The following CPLX2 variants were observed in gnomAD, a reference collection of about 807,000 sequenced individuals.
CPLX2 encodes complexin-2.
CPLX2 carries 5 observed loss-of-function variants against 16.3 expected under a neutral mutation model. The ratio of observed to expected loss-of-function variants is 0.31; its 90% CI spans 0.16 to 0.64. The LOEUF (loss-of-function observed/expected upper bound fraction) is 0.64. Ranked by LOEUF, CPLX2 falls within the 30% of genes least tolerant of loss-of-function variation. The pLI, the probability that CPLX2 is intolerant of heterozygous loss-of-function variation, is 0.79. For missense variants in CPLX2, 144 were observed against 181.4 expected, an observed-to-expected ratio of 0.79 and a Z score of 1.18; for synonymous variants, 89 against 73.2, an observed-to-expected ratio of 1.22 and a Z score of -1.10.
chr5:175,878,810 C>A, intron 2 of CPLX2, 40 bp downstream of exon 2: 1 of 1,611,576 alleles, frequency 6.2e-7, no homozygotes, highest in Non-Finnish European at 8.5e-7. Flanking sequence ...CAGCCGGTCC[C>A]ACCCTTGTGG....
At chr5:175,875,663 G>A (rs1210427871) in intron 1 of CPLX2, among the ~76,000 whole-genome samples, 1 of 152,128 alleles carries the variant, frequency 6.6e-6, no homozygotes, top group East Asian at 1.9e-4. Context: ...CGCCCGTGAA[G>A]TGGAGGGAAA....
chr5:175,820,989 G>T (rs1158057775), intron 2 of CPLX2, among the ~76,000 whole-genome samples: 1 of 152,116 alleles, frequency 6.6e-6, no homozygotes. Context: ...GTCCTTCTCT[G>T]GTTTGGGCTC....
At position 175,849,687 on chromosome 5, in the gene CPLX2, G is replaced by A. The variant is rs116848408; in HGVS notation, c.-88-28965G>A. Reference sequence around the variant, plus strand: ...CGTTGGGGTCATCATGGGAGAAGCCGGGCTTTGGAGCTGGACTCACCTGAG... The same window carrying A: ...CGTTGGGGTCATCATGGGAGAAGCCAGGCTTTGGAGCTGGACTCACCTGAG... On this transcript the variant is annotated intron_variant, in intron 2 of 4. Transcript: ENST00000359546. The surrounding 1 kb of genome is among the most constrained non-coding windows in gnomAD (Gnocchi z 4.4). 3.3e-5 allele frequency among the ~76,000 whole-genome samples: 5 copies of A among 152,150 alleles called. No individual in the cohort carries two copies. In the South Asian group the frequency reaches 6.3e-4, roughly 19 times the overall value.
chr5:175,804,978 G>A (rs895049008), intron 1 of CPLX2, among the ~76,000 whole-genome samples: 3 of 152,152 alleles, frequency 2.0e-5, no homozygotes, highest in Non-Finnish European at 4.4e-5. Flanking sequence ...CCTCCATTTT[G>A]TTCACATGTA....
At chr5:175,839,505 G>A (rs186007852) in intron 2 of CPLX2, among the ~76,000 whole-genome samples, 183 of 152,202 alleles carry the variant, frequency 1.2e-3, no homozygotes, top group African/African-American at 4.1e-3. Flanking sequence ...GGCTGGTCTC[G>A]AACTCCTGAC....
At chr5:175,859,034 T>A (rs553594171) in intron 2 of CPLX2, among the ~76,000 whole-genome samples, 1 of 152,308 alleles carries the variant, frequency 6.6e-6, no homozygotes, top group Non-Finnish European at 1.5e-5. Flanking sequence ...GGAGCCTCCA[T>A]GAGCCTCACC....
At chr5:175,864,543 A>G (rs1173960766) in intron 2 of CPLX2, among the ~76,000 whole-genome samples, 3 of 152,174 alleles carry the variant, frequency 2.0e-5, no homozygotes, top group Non-Finnish European at 4.4e-5. Context: ...CAAATCACAG[A>G]GTCTCGGATC....
chr5:175,848,072 C>G (rs2113675696), intron 2 of CPLX2, among the ~76,000 whole-genome samples: 1 of 152,342 alleles, frequency 6.6e-6, no homozygotes, highest in South Asian at 2.1e-4. Flanking sequence ...CTCAACAGCC[C>G]CAGGCTGGCA....
intron 2 of CPLX2, among the ~76,000 whole-genome samples, chr5:175,850,002 C>T (rs993621133): frequency 6.6e-6 from 1 of 152,252 alleles, no homozygotes; most frequent in Non-Finnish European, 1.5e-5. Flanking sequence ...AAAGGAGCCA[C>T]ATACACAGAA....
intron 2 of CPLX2, among the ~76,000 whole-genome samples, chr5:175,842,687 C>T (rs1440383319): frequency 2.6e-5 from 4 of 152,330 alleles, no homozygotes; most frequent in African/African-American, 7.2e-5. Flanking sequence ...AGGCCCTTCT[C>T]ACCCACCTGC....
intron 2 of CPLX2, among the ~76,000 whole-genome samples, chr5:175,847,148 A>G (rs1759057578): frequency 6.6e-6 from 1 of 152,202 alleles, no homozygotes; most frequent in Non-Finnish European, 1.5e-5. Flanking sequence ...GTCCCAGGCG[A>G]CGTGAGGCCA....
At chr5:175,827,277 G>A (rs1403830755) in intron 2 of CPLX2, among the ~76,000 whole-genome samples, 1 of 152,232 alleles carries the variant, frequency 6.6e-6, no homozygotes, top group Non-Finnish European at 1.5e-5. Context: ...CTCACTGAAG[G>A]TGACTGGGGG....
At chr5:175,826,410 G>A (rs1040843994) in intron 2 of CPLX2, among the ~76,000 whole-genome samples, 11 of 152,086 alleles carry the variant, frequency 7.2e-5, no homozygotes, top group Non-Finnish European at 1.2e-4. Context: ...TTCCCAGTGC[G>A]AAAGGACTCC....
chr5:175,799,750 C>A (rs1487598517), intron 1 of CPLX2, among the ~76,000 whole-genome samples: 1 of 150,902 alleles, frequency 6.6e-6, no homozygotes, highest in Non-Finnish European at 1.5e-5. Flanking sequence ...CCAGGCTGGT[C>A]TCAAACTCCT....
intron 1 of CPLX2, 61 bp downstream of exon 1, chr5:175,871,766 C>G (rs902437356): frequency 2.0e-5 from 3 of 152,482 alleles, no homozygotes; most frequent in Admixed American, 6.5e-5. Context: ...GGTCCCGGCT[C>G]TCGCCTCGAG....
At chr5:175,865,934 G>A (rs1458516054) in intron 2 of CPLX2, among the ~76,000 whole-genome samples, 2 of 152,198 alleles carry the variant, frequency 1.3e-5, no homozygotes, top group African/African-American at 4.8e-5. Flanking sequence ...GTGTTGTAGG[G>A]AGCCTATAAT....
intron 2 of CPLX2, among the ~76,000 whole-genome samples, chr5:175,815,690 A>C (rs1312554713): frequency 2.0e-5 from 3 of 152,228 alleles, no homozygotes; most frequent in African/African-American, 7.2e-5. Flanking sequence ...AACTAAGATG[A>C]GACATCACTT....
At chr5:175,817,828 C>T (rs181839953) in intron 2 of CPLX2, among the ~76,000 whole-genome samples, 1 of 152,110 alleles carries the variant, frequency 6.6e-6, no homozygotes, top group Non-Finnish European at 1.5e-5. Flanking sequence ...CAGAGAAACC[C>T]ATCACACATG....
chr5:175,852,159 A>G (rs1323673011), intron 2 of CPLX2, among the ~76,000 whole-genome samples: 1 of 152,226 alleles, frequency 6.6e-6, no homozygotes, highest in Non-Finnish European at 1.5e-5. Context: ...TAGGCAGTCC[A>G]ACTCCAGGAA....
Sources: allele counts gnomAD v4.1 joint callset (sites outside exome capture counted in the v4.1 genomes callset), GRCh38; gene constraint gnomAD v4.1.1; non-coding constraint Gnocchi (gnomAD v3.1); transcripts MANE v1.5; gene names NCBI Gene and HGNC (gene_info 2026-07-23, HGNC 2026-07-21).